The following SCN9A variants were observed in gnomAD, a reference collection of about 807,000 sequenced individuals.
The protein encoded by SCN9A is sodium channel protein type 9 subunit alpha.
In SCN9A, 131 loss-of-function variants were observed where a neutral mutation model predicts 187.0. The observed-to-expected ratio is 0.70, with a 90% CI of 0.61 to 0.81. The LOEUF is 0.81. SCN9A is among the 30% of genes least tolerant of loss of function. The pLI is 0.00. For synonymous variants in SCN9A, 809 were observed against 808.6 expected (o/e 1.00, Z -0.01); for missense variants, 2,252 against 2,396.6 (o/e 0.94, Z 1.26).
chr2:166,304,327 T>C lies in SCN9A; in HGVS notation c.599A>G (p.Tyr200Cys), dbSNP rs200764978. The stretch of plus-strand genomic sequence containing the variant: ...GCCTAGGTTTACAAATTCTGTTAAA[T>C]ACCTGTAGAATTAAATCAGAATTAT... The part of the protein sequence containing the change: ...WLDFVVIVFA[Y>C]LTEFVNLGNV... Residue 200 changes from tyrosine to cysteine, a missense_variant and splice_region_variant, in exon 6 of 27, where the codon TAT (tyrosine) becomes TGT (cysteine). Tyr to Cys is a radical substitution (Grantham distance 194). Transcript: ENST00000642356. 3.9e-5 allele frequency: 63 copies of C among 1,610,270 alleles called. No homozygotes were observed. The South Asian group carries it at 6.6e-4, about 17-fold the overall frequency.
chr2:166,226,527 C>T, intron 24 of SCN9A, 40 bp downstream of exon 24: 7 of 1,337,730 alleles, frequency 5.2e-6, no homozygotes, highest in Non-Finnish European at 7.2e-6. Context: ...AATAATTGTT[C>T]ATCCCTTTCA....
chr2:166,323,483 G>A (rs1411105228), intron 1 of SCN9A, among the ~76,000 whole-genome samples: 4 of 152,110 alleles, frequency 2.6e-5, no homozygotes, highest in African/African-American at 4.8e-5. Flanking sequence ...GTTTCCCTAA[G>A]TGTTCACAGT....
intron 1 of SCN9A, among the ~76,000 whole-genome samples, chr2:166,348,234 CT>C (rs1699950157): frequency 7.3e-6 from 1 of 136,080 alleles, no homozygotes; most frequent in Admixed American, 6.9e-5. Flanking sequence ...AATAGAAAGT[CT>C]TCCAACATTA....
chr2:166,273,690 G>A (rs1697102526), intron 16 of SCN9A, among the ~76,000 whole-genome samples: 1 of 151,896 alleles, frequency 6.6e-6, no homozygotes, highest in African/African-American at 2.4e-5. Context: ...ACAGAGGGCA[G>A]GAAACATGTA....
At chr2:166,201,473 G>A (rs1693521853) in intron 26 of SCN9A, among the ~76,000 whole-genome samples, 1 of 122,206 alleles carries the variant, frequency 8.2e-6, no homozygotes, top group Non-Finnish European at 1.8e-5. Flanking sequence ...ATAGTATAGA[G>A]TATGCGTATA....
At chr2:166,253,437 A>T (rs962578577) in intron 17 of SCN9A, among the ~76,000 whole-genome samples, 1 of 151,866 alleles carries the variant, frequency 6.6e-6, no homozygotes, top group South Asian at 2.1e-4. Context: ...AATTAGTTTA[A>T]TTTAAAATAA....
chr2:166,222,050 T>C (rs1694610756), intron 24 of SCN9A, among the ~76,000 whole-genome samples: 1 of 152,188 alleles, frequency 6.6e-6, no homozygotes. Context: ...TTCATGATAC[T>C]GTTCTTGACA....
At chr2:166,199,991 T>TTTTTTG (rs1693417959) in intron 26 of SCN9A, 127 bp from the exon 27 acceptor site, 2 of 421,364 alleles carry the variant, frequency 4.7e-6, no homozygotes, top group Non-Finnish European at 6.8e-6. Context: ...TTTTTTTTTT[T>TTTTTTG]TTTTTTTTTT....
intron 24 of SCN9A, among the ~76,000 whole-genome samples, chr2:166,216,527 CAG>C (rs1037137428): frequency 2.0e-5 from 3 of 152,004 alleles, no homozygotes; most frequent in Admixed American, 6.6e-5. Context: ...TACATAAATT[CAG>C]TAAAGTTGCA....
chr2:166,254,162 T>A (rs1405085511), intron 17 of SCN9A, among the ~76,000 whole-genome samples: 1 of 151,658 alleles, frequency 6.6e-6, no homozygotes, highest in East Asian at 1.9e-4. Context: ...TTTTACATCA[T>A]AAAGTTATTC....
Position 166,198,310 on chromosome 2 carries a change from G to A in SCN9A, c.*362C>T, listed in dbSNP as rs185832567. On this transcript the variant is annotated 3_prime_UTR_variant, in exon 27 of 27. Coordinates refer to ENST00000642356, the MANE Select transcript of SCN9A (RefSeq NM_001365536.1). ...ATAAATAATAGATTTTTCTGTATGC[G>A]TGTGTTGTTTATTTACATGGGAAAC... 130 of 178,210 alleles carry A rather than the reference G, an allele frequency of 7.3e-4. No homozygotes were observed. The highest frequency in any genetic ancestry group is 2.9e-3 in the African/African-American group (121 of 42,300). 11.0% of individuals were successfully genotyped at this position (178,210 alleles called of 1,614,324 possible). A position where few individuals can be genotyped will look rare whatever the true frequency, so the allele number is the denominator to read the frequency against.
intron 7 of SCN9A, chr2:166,296,260 T>C (rs1698297048): frequency 6.6e-6 from 1 of 152,262 alleles, no homozygotes; most frequent in South Asian, 2.1e-4. Context: ...GATACTGTGA[T>C]CCACACATTC....
At chr2:166,318,047 G>A (rs1050725744) in intron 1 of SCN9A, among the ~76,000 whole-genome samples, 2 of 152,124 alleles carry the variant, frequency 1.3e-5, no homozygotes, top group Non-Finnish European at 2.9e-5. Flanking sequence ...ATTCAATAAT[G>A]TTGCAGAAAA....
intron 1 of SCN9A, among the ~76,000 whole-genome samples, chr2:166,366,083 C>T (rs564640008): frequency 1.4e-4 from 21 of 152,130 alleles, no homozygotes; most frequent in Non-Finnish European, 2.8e-4. Context: ...GCCAGGTCTT[C>T]CCTCCCTACA....
At chr2:166,311,382 T>TATATTTATA (rs1559034538) in intron 2 of SCN9A, 117 bp downstream of exon 2, 1 of 83,550 alleles carries the variant, frequency 1.2e-5, no homozygotes, top group Admixed American at 1.8e-4. Context: ...ATATATTTAA[T>TATATTTATA]TTAACATTCT....
intron 24 of SCN9A, among the ~76,000 whole-genome samples, chr2:166,208,376 G>T (rs990046149): frequency 2.0e-5 from 3 of 152,154 alleles, no homozygotes; most frequent in African/African-American, 7.2e-5. Flanking sequence ...TTGAGGTAAT[G>T]CATGAAGAAT....
Position 166,336,045 on chromosome 2 carries a change from G to A in SCN9A, c.-50-24239C>T, listed in dbSNP as rs113309940. On this transcript the variant is annotated intron_variant, in intron 1 of 26. Coordinates refer to ENST00000642356, the MANE Select transcript of SCN9A (RefSeq NM_001365536.1). ...ATGTGCAAATGTTACACCATTTTAT[G>A]TAAAGAACTTGAGCATCTCCAGATT... is the stretch of plus-strand genomic sequence containing the variant. 9.4e-3 allele frequency among the ~76,000 whole-genome samples: 1,423 copies of A among 152,150 alleles called. 30 individuals are homozygous for A. The highest frequency in any genetic ancestry group is 0.031 in the African/African-American group (1,291 of 41,532).
intron 17 of SCN9A, among the ~76,000 whole-genome samples, chr2:166,257,604 T>G (rs1238760281): frequency 5.3e-5 from 8 of 151,618 alleles, no homozygotes; most frequent in Non-Finnish European, 7.4e-5. Context: ...ATTCAGTTTT[T>G]TTCTTAAGAG....
intron 18 of SCN9A, among the ~76,000 whole-genome samples, chr2:166,249,144 C>A (rs995252639): frequency 2.0e-5 from 3 of 152,104 alleles, no homozygotes; most frequent in Non-Finnish European, 2.9e-5. Flanking sequence ...TTCTTTACAT[C>A]ACGGAAGAAA....
Sources: gnomAD v4.1 joint callset for allele counts (sites outside exome capture counted in the v4.1 genomes callset) on GRCh38, gnomAD v4.1.1 for gene constraint, MANE v1.5 for transcripts, NCBI Gene and HGNC (gene_info 2026-07-23, HGNC 2026-07-21) for gene names.